Variants in ACSM1 observed in about 807,000 individuals in gnomAD.
ACSM1 encodes acyl-coenzyme A synthetase ACSM1, mitochondrial.
In ACSM1, 79 loss-of-function variants were observed where a neutral mutation model predicts 75.8. That is an observed-to-expected ratio of 1.04 (90% CI 0.87 to 1.26). The LOEUF (loss-of-function observed/expected upper bound fraction) is 1.26. Among genes scored for constraint, ACSM1 ranks in the 50% most tolerant of loss-of-function variants. The pLI is 0.00. For synonymous variants in ACSM1, 279 were observed against 265.8 expected, an observed-to-expected ratio of 1.05 and a Z score of -0.48; for missense variants, 676 against 720.1, an observed-to-expected ratio of 0.94 and a Z score of 0.70.
At chr16:20,662,076 G>A (rs563852384) in intron 6 of ACSM1, among the ~76,000 whole-genome samples, 2 of 152,134 alleles carry the variant, frequency 1.3e-5, no homozygotes, top group African/African-American at 4.8e-5. Context: ...CGCAGATAAC[G>A]TTCCAACTCC....
intron 7 of ACSM1, among the ~76,000 whole-genome samples, chr16:20,659,659 T>C (rs1249215905): frequency 1.3e-5 from 2 of 152,174 alleles, no homozygotes; most frequent in African/African-American, 4.8e-5. Flanking sequence ...CCACATTCTA[T>C]AGAGAATCCA....
rs754066215 is a variant in ACSM1, at chr16:20,671,615, A to C, written c.668T>G (p.Ile223Ser). Residue 223 changes from isoleucine (I) to serine (S), a missense_variant, in exon 5 of 14, where the codon ATC becomes AGC. Ile to Ser is a moderately radical substitution (Grantham distance 142). Transcript: ENST00000520010. ...GCCTGTGGTCCCACTGGTGAAGAAG[A>C]TGACCATTGGGTCCAAGGTCTTTGA... ...VKSKTLDPMV[I>S]FFTSGTTGFP... 6.2e-7 allele frequency: 1 copy of C among 1,613,756 alleles called. No homozygotes were observed. The highest frequency in any genetic ancestry group is 1.7e-5 in the Admixed American group (1 of 59,978).
intron 6 of ACSM1, among the ~76,000 whole-genome samples, chr16:20,664,722 A>G (rs1378356104): frequency 6.6e-6 from 1 of 152,182 alleles, no homozygotes; most frequent in Non-Finnish European, 1.5e-5. Flanking sequence ...TCCCACGTGG[A>G]ACATATTCTA....
rs2016778337 is a variant in ACSM1, at chr16:20,624,175, G to A, written c.1568C>T (p.Ser523Phe). 2 of 1,613,044 alleles carry A rather than the reference G, an allele frequency of 1.2e-6. No individual in the cohort carries two copies. The highest frequency in any genetic ancestry group is 1.3e-5 in the African/African-American group (1 of 74,906). ...CTTGGTCAGCTGATCCTTGTCATGG[G>A]ACAGGAACTGTGGGGTCAGGACAAT... ...AFIVLTPQFL[S>F]HDKDQLTKEL... The change falls in exon 13 of 14, where the codon TCC becomes TTC. Residue 523 changes from serine (S) to phenylalanine (F), a missense_variant. Transcript: ENST00000520010.
rs771244015 is a variant in ACSM1, at chr16:20,682,466, G to A, written c.404-3C>T. ...GGTCGCAGGAATGAAGATGATCCCT[G>A]GGGATGAGAAAGGAACTGATTGTTT... On this transcript the variant is annotated splice_polypyrimidine_tract_variant and splice_region_variant and intron_variant, in intron 3 of 13. Transcript: ENST00000520010. The A allele has an allele frequency of 5.0e-6, 8 of 1,612,092 alleles. No homozygotes were observed. In the South Asian group the frequency reaches 8.8e-5, roughly 18 times the overall value.
intron 2 of ACSM1, among the ~76,000 whole-genome samples, chr16:20,688,929 C>T (rs1466882816): frequency 6.7e-6 from 1 of 149,440 alleles, no homozygotes; most frequent in African/African-American, 2.4e-5. Context: ...ATTTAAAAAA[C>T]AAATCATAAA....
At chr16:20,674,090 C>T in intron 4 of ACSM1, 1 of 450,530 alleles carries the variant, frequency 2.2e-6, no homozygotes, top group Non-Finnish European at 4.5e-6. Context: ...GAGTGAATGG[C>T]ATTCTTCTAC....
rs760173112 is a variant in ACSM1, at chr16:20,682,426, G to A, written c.441C>T (p.Ala147=). 1 of 1,613,788 alleles carries A rather than the reference G, an allele frequency of 6.2e-7. No homozygotes were observed. Among genetic ancestry groups the A allele is most frequent in the Non-Finnish European group, 8.5e-7 (1 of 1,179,842 alleles). ...IFIPATILLK[A]KDILYRLQLS... is the part of the protein sequence containing the mutation. ...ACTGTAGTCGATAGAGAATGTCTTT[G>A]GCCTTCAACAGGATGGTCGCAGGAA... The change falls in exon 4 of 14, where the codon GCC becomes GCT. Residue 147 remains alanine, a synonymous_variant. Transcript: ENST00000520010.
chr16:20,692,370 T>TGG (rs1230000341), intron 1 of ACSM1, among the ~76,000 whole-genome samples: 1 of 152,168 alleles, frequency 6.6e-6, no homozygotes, highest in African/African-American at 2.4e-5. Context: ...AAACCTAAAG[T>TGG]GGGGGCTTCC....
intron 1 of ACSM1, among the ~76,000 whole-genome samples, chr16:20,694,348 A>C (rs1339631228): frequency 6.6e-6 from 1 of 152,232 alleles, no homozygotes; most frequent in Non-Finnish European, 1.5e-5. Context: ...TTCTGCAGGA[A>C]GTAAAAATGG....
chr16:20,660,389 A>C (rs2152255376), intron 7 of ACSM1, among the ~76,000 whole-genome samples: 1 of 152,320 alleles, frequency 6.6e-6, no homozygotes, highest in Admixed American at 6.5e-5. Flanking sequence ...TTTCCACCTC[A>C]CTACCCTCTC....
intron 4 of ACSM1, 30 bp downstream of exon 4, chr16:20,682,226 G>C (rs766973841): frequency 2.0e-5 from 32 of 1,604,104 alleles, no homozygotes; most frequent in African/African-American, 2.7e-5. Flanking sequence ...ACTGTACTCA[G>C]AGATTATATT....
chr16:20,628,698 T>A (rs1183943900), intron 10 of ACSM1, among the ~76,000 whole-genome samples: 1 of 152,210 alleles, frequency 6.6e-6, no homozygotes, highest in Non-Finnish European at 1.5e-5. Flanking sequence ...GCCATCTGGA[T>A]TGTTGTCTTC....
intron 4 of ACSM1, chr16:20,680,377 GA>G (rs2079415546): frequency 6.6e-6 from 1 of 152,198 alleles, no homozygotes; most frequent in Non-Finnish European, 1.5e-5. Flanking sequence ...GCCAGTGCCT[GA>G]GCTTCCCCCA....
At chr16:20,627,744 G>A (rs773565581) in intron 10 of ACSM1, among the ~76,000 whole-genome samples, 9 of 151,194 alleles carry the variant, frequency 6.0e-5, no homozygotes, top group Middle Eastern at 3.2e-3. Context: ...CAGGAGAATC[G>A]CTTGAACCTG....
intron 7 of ACSM1, 94 bp from the exon 8 acceptor site, chr16:20,640,678 T>A: frequency 6.4e-7 from 1 of 1,563,436 alleles, no homozygotes; most frequent in Non-Finnish European, 8.7e-7. Flanking sequence ...TTCATCCTTC[T>A]AGTTCCTCAC....
intron 4 of ACSM1, among the ~76,000 whole-genome samples, chr16:20,676,568 A>G (rs986948924): frequency 1.3e-5 from 2 of 152,184 alleles, no homozygotes; most frequent in South Asian, 2.1e-4. Flanking sequence ...TCAGCTTATT[A>G]AAGTGGTTAC....
Position 20,640,504 on chromosome 16 carries a change from C to A in ACSM1, c.1073G>T (p.Arg358Leu), listed in dbSNP as rs763221055. The A allele has an allele frequency of 6.2e-7, 1 of 1,614,154 alleles. No homozygotes were observed. Among genetic ancestry groups the A allele is most frequent in the Admixed American group, 1.7e-5 (1 of 60,014 alleles). ...LPKDQEEWKR[R>L]TGLLLYENYG... ...GTTCTCGTAGAGCAGAAGGCCCGTC[C>A]GTCTTTTCCACTCCTCCTGATCCTT... The change falls in exon 8 of 14, where the codon CGG becomes CTG. Residue 358 changes from arginine (R) to leucine (L), a missense_variant. By Grantham distance (102) the Arg-to-Leu change is moderately radical. Transcript: ENST00000520010.
At chr16:20,681,944 C>A (rs905889229) in intron 4 of ACSM1, 2 of 248,086 alleles carry the variant, frequency 8.1e-6, no homozygotes, top group African/African-American at 4.5e-5. Flanking sequence ...GACAGATAAA[C>A]TCAAGTTGTA....
Sources: allele counts gnomAD v4.1 joint callset (sites outside exome capture counted in the v4.1 genomes callset), GRCh38; gene constraint gnomAD v4.1.1; transcripts MANE v1.5; gene names NCBI Gene and HGNC (gene_info 2026-07-23, HGNC 2026-07-21).